Variants in GATA6 observed in about 807,000 individuals in gnomAD.
GATA6 encodes the protein transcription factor GATA-6.
GATA6 carries 11 observed loss-of-function variants against 48.1 expected under a neutral mutation model. That is an observed-to-expected ratio of 0.23 (90% CI 0.14 to 0.38). The LOEUF (loss-of-function observed/expected upper bound fraction) is 0.38, where lower values mean the gene tolerates loss of function less well. Ranked by LOEUF, GATA6 falls within the 10% of genes least tolerant of loss-of-function variation. The pLI is 1.00. For missense variants in GATA6, 795 were observed against 850.3 expected (o/e 0.93, Z 0.81); for synonymous variants, 419 against 396.1 (o/e 1.06, Z -0.69).
Position 22,182,419 on chromosome 18 carries a change from G to A in GATA6, c.1429-338G>A, listed in dbSNP as rs192111108. Among the ~76,000 whole-genome samples the A allele has an allele frequency of 1.7e-3, 259 of 150,996 alleles. 1 individual carries two copies. The highest frequency in any genetic ancestry group is 0.014 in the Middle Eastern group (4 of 294). On this transcript the variant is annotated intron_variant, in intron 4 of 6. Transcript: ENST00000269216. The stretch of plus-strand genomic sequence containing the variant: ...GTTGCCCAGGCTGGAGTGCAGTGGT[G>A]CTATCTCGGCTCACTGCAACCTCCA...
intron 3 of GATA6, 35 bp from the exon 4 acceptor site, chr18:22,181,418 A>G (rs185623919): frequency 1.9e-6 from 3 of 1,612,122 alleles, no homozygotes; most frequent in Non-Finnish European, 2.5e-6. Context: ...TATGTCACTT[A>G]TATTTTTCCA....
intron 4 of GATA6, 55 bp downstream of exon 4, chr18:22,181,633 G>A (rs1598737568): frequency 3.1e-6 from 5 of 1,597,140 alleles, no homozygotes; most frequent in Non-Finnish European, 3.4e-6. Context: ...GTTTGTATGT[G>A]ATATCAGTTA....
rs2033030637 is a variant in GATA6 at position 22,171,060 on chromosome 18, T to G, written c.-37-48T>G. On this transcript the variant is annotated intron_variant, in intron 1 of 6. Transcript: ENST00000269216. The surrounding 1 kb of genome is among the most constrained non-coding windows in gnomAD (Gnocchi z 7.1). The stretch of plus-strand genomic sequence containing the variant: ...AGGTAGCGTGCAGCCTACGCTCTTG[T>G]TAACCCGTCGATCTCCTACCATACC... 1.7e-6 allele frequency: 2 copies of G among 1,201,780 alleles called. No individual in the cohort carries two copies. Among genetic ancestry groups the G allele is most frequent in the Non-Finnish European group, 2.4e-6 (2 of 832,384 alleles). 74.4% of individuals were successfully genotyped at this position (1,201,780 alleles called of 1,614,324 possible).
intron 2 of GATA6, among the ~76,000 whole-genome samples, chr18:22,173,896 A>G (rs1303772402): frequency 1.3e-5 from 2 of 152,150 alleles, no homozygotes; most frequent in Non-Finnish European, 1.5e-5. Context: ...CAGCCTCCCA[A>G]AGTACTGGGA....
chr18:22,181,748 T>C (rs1270284893), intron 4 of GATA6, among the ~76,000 whole-genome samples, 170 bp downstream of exon 4: 1 of 152,234 alleles, frequency 6.6e-6, no homozygotes, highest in African/African-American at 2.4e-5. Flanking sequence ...ATATATTTAT[T>C]GAATTGAAGG....
At chr18:22,179,781 A>G (rs2033170640) in intron 3 of GATA6, among the ~76,000 whole-genome samples, 1 of 152,228 alleles carries the variant, frequency 6.6e-6, no homozygotes, top group Non-Finnish European at 1.5e-5. Context: ...AGCCAAGCAT[A>G]CTCATTTCAA....
intron 6 of GATA6, 115 bp from the exon 7 acceptor site, chr18:22,200,541 G>A (rs760254721): frequency 6.1e-5 from 81 of 1,318,690 alleles, no homozygotes; most frequent in Middle Eastern, 5.4e-4. Context: ...CTGCCCAGGA[G>A]CAGCTCTGGC....
At chr18:22,191,425 G>A (rs552048220) in intron 6 of GATA6, among the ~76,000 whole-genome samples, 1 of 125,580 alleles carries the variant, frequency 8.0e-6, no homozygotes, top group African/African-American at 3.1e-5. Flanking sequence ...ATAATGTTAC[G>A]GGAAAACATG....
rs2033020579 is a variant in GATA6, at chr18:22,170,601, C to T, written c.-37-507C>T. On this transcript the variant is annotated intron_variant, in intron 1 of 6. Transcript: ENST00000269216. The surrounding 1 kb of genome is among the most constrained non-coding windows in gnomAD (Gnocchi z 6.7). The stretch of plus-strand genomic sequence containing the variant: ...TTTCGGGGACAGGTTGCCTTCCTTA[C>T]GCGAAGGGTTTTCCCGTGGGGAACC... Among the ~76,000 whole-genome samples the T allele has an allele frequency of 6.6e-6, 1 of 152,338 alleles. No homozygotes were observed. Among genetic ancestry groups the T allele is most frequent in the Admixed American group, 6.5e-5 (1 of 15,306 alleles).
rs1203297622 is a variant in GATA6 at position 22,197,246 on chromosome 18, T to TCA, written c.1621-3408_1621-3407dup. On this transcript the variant is annotated intron_variant, in intron 6 of 6. Transcript: ENST00000269216. ...TTTTTGTGTCAGTAGAGATGAGGTT[T>TCA]CACCATGTTGGTCAGGCTGGTCTCA... Among the ~76,000 whole-genome samples, 7 of 151,806 alleles carry TCA rather than the reference T, an allele frequency of 4.6e-5. No homozygotes were observed. The East Asian group carries it at 1.2e-3, about 25-fold the overall frequency.
In GATA6 at chr18:22,200,203, G is replaced by A. The variant is rs145143258; in HGVS notation, c.1621-453G>A. Among the ~76,000 whole-genome samples the A allele has an allele frequency of 7.3e-3, 1,109 of 151,824 alleles. 9 individuals are homozygous for A. Among genetic ancestry groups the A allele is most frequent in the African/African-American group, 0.025 (1,034 of 41,168 alleles). ...TGTGTGTGTGTGTGTGTGTGTGTGC[G>A]CGCGCACGCATGCGTGCGCTCTGCA... is the stretch of plus-strand genomic sequence containing the variant. On this transcript the variant is annotated intron_variant, in intron 6 of 6. Coordinates refer to ENST00000269216, the MANE Select transcript of GATA6 (RefSeq NM_005257.6).
chr18:22,194,035 A>G, intron 6 of GATA6, among the ~76,000 whole-genome samples: 1 of 151,896 alleles, frequency 6.6e-6, no homozygotes, highest in East Asian at 1.9e-4. Flanking sequence ...GACTTTTCAG[A>G]TATGTGTCCA....
chr18:22,199,900 C>CAAAAAAAAA (rs35638046), intron 6 of GATA6, among the ~76,000 whole-genome samples: 1 of 68,340 alleles, frequency 1.5e-5, no homozygotes, highest in African/African-American at 4.9e-5. Context: ...GACTCTGTTT[C>CAAAAAAAAA]AAAAAAAAAA....
intron 3 of GATA6, among the ~76,000 whole-genome samples, chr18:22,178,480 C>T: frequency 6.6e-6 from 1 of 152,140 alleles, no homozygotes; most frequent in East Asian, 1.9e-4. Flanking sequence ...AGATGCCAGA[C>T]GTCTTAAGTA....
chr18:22,177,059 T>C lies in GATA6; in HGVS notation c.1240T>C (p.Cys414Arg). The change falls in exon 3 of 7, where the codon TGC becomes CGC. Residue 414 changes from cysteine (C) to arginine (R), a missense_variant. Cys to Arg is a radical substitution (Grantham distance 180). Around this residue, in one of 5 missense-constraint regions of GATA6, gnomAD observed 76 missense variants for 113.1 expected, o/e 0.67. Coordinates refer to ENST00000269216, the MANE Select transcript of GATA6 (RefSeq NM_005257.6). ...CACCGGCCACTACCTGTGCAACGCC[T>C]GCGGGCTCTACAGCAAGATGAACGG... The part of the protein sequence containing the change: ...DGTGHYLCNA[C>R]GLYSKMNGLS... The C allele has an allele frequency of 6.3e-7, 1 of 1,574,882 alleles. No individual in the cohort carries two copies. The highest frequency in any genetic ancestry group is 8.6e-7 in the Non-Finnish European group (1 of 1,161,942).
chr18:22,172,335 G>T lies in GATA6; in HGVS notation c.1135+56G>T. ...GGTCCAAAGCGCTGGGGCGCACGGGGGACGTGGAGCAGCTGCTCCACTCGG... is the reference window on the plus strand; with the variant it reads ...GGTCCAAAGCGCTGGGGCGCACGGGTGACGTGGAGCAGCTGCTCCACTCGG... On this transcript the variant is annotated intron_variant, in intron 2 of 6. Transcript: ENST00000269216. This position sits in a 1 kb window ranked among gnomAD's most constrained non-coding sequence, Gnocchi z 5.2. 6.6e-7 allele frequency: 1 copy of T among 1,510,360 alleles called. No homozygotes were observed. 93.6% of individuals were successfully genotyped at this position (1,510,360 alleles called of 1,614,324 possible). A position where few individuals can be genotyped will look rare whatever the true frequency, so the allele number is the denominator to read the frequency against.
chr18:22,169,740 G>C (rs1249785465), intron 1 of GATA6, 58 bp downstream of exon 1: 1 of 152,184 alleles, frequency 6.6e-6, no homozygotes, highest in African/African-American at 2.4e-5. Flanking sequence ...ACCCCTACTC[G>C]TCGCGGGCCC....
At chr18:22,179,871 A>T (rs975515585) in intron 3 of GATA6, among the ~76,000 whole-genome samples, 1 of 152,212 alleles carries the variant, frequency 6.6e-6, no homozygotes, top group Non-Finnish European at 1.5e-5. Flanking sequence ...TCTGTTTATA[A>T]CTTCTCTGTA....
Position 22,171,741 on chromosome 18 carries a change from C to T in GATA6, c.597C>T (p.Pro199=), listed in dbSNP as rs1172457864. The change falls in exon 2 of 7, where the codon CCC becomes CCT. Residue 199 remains proline (P), a synonymous_variant. Transcript: ENST00000269216. This position sits in a 1 kb window ranked among gnomAD's most constrained non-coding sequence, Gnocchi z 7.1. The stretch of plus-strand genomic sequence containing the variant: ...CCACCCGCGTGGGTTCCATGCTGCC[C>T]GGCCTACCGTACCACCTGCAGGGGT... ...VPTTRVGSML[P]GLPYHLQGSG... The T allele has an allele frequency of 3.4e-6, 5 of 1,465,502 alleles. No individual in the cohort carries two copies. The highest frequency in any genetic ancestry group is 2.8e-5 in the East Asian group (1 of 35,440). 90.8% of individuals were successfully genotyped at this position (1,465,502 alleles called of 1,614,324 possible).
Sources: allele counts gnomAD v4.1 joint callset (sites outside exome capture counted in the v4.1 genomes callset), GRCh38; gene constraint gnomAD v4.1.1; regional missense constraint gnomAD v4.1.1; non-coding constraint Gnocchi (gnomAD v3.1); transcripts MANE v1.5; gene names NCBI Gene and HGNC (gene_info 2026-07-23, HGNC 2026-07-21).